Variants in PSMD14 observed in about 807,000 individuals in gnomAD.
PSMD14 encodes proteasome 26S subunit, non-ATPase 14, also known as ubiquitin C-terminal hydrolase PSMD14.
Under a neutral mutation model 41.2 loss-of-function variants are expected in PSMD14, and 7 were observed. That is an observed-to-expected ratio of 0.17 (90% CI 0.10 to 0.32). PSMD14 has a LOEUF of 0.32. PSMD14 is among the 10% of genes least tolerant of loss of function. PSMD14 has a pLI of 1.00. For synonymous variants in PSMD14, 114 were observed against 122.3 expected (o/e 0.93, Z 0.45); for missense variants, 139 against 375.6 (o/e 0.37, Z 5.21).
At chr2:161,338,116 C>T (rs1173278608) in intron 3 of PSMD14, among the ~76,000 whole-genome samples, 1 of 152,164 alleles carries the variant, frequency 6.6e-6, no homozygotes, top group Non-Finnish European at 1.5e-5. Flanking sequence ...ATGAAGGTCT[C>T]CAAGCACATA....
chr2:161,398,682 G>A (rs1211267205), intron 10 of PSMD14, among the ~76,000 whole-genome samples: 1 of 151,838 alleles, frequency 6.6e-6, no homozygotes, highest in Non-Finnish European at 1.5e-5. Context: ...CTATAAATTT[G>A]GAGATCTGAC....
chr2:161,326,373 T>G (rs1402142208), intron 3 of PSMD14, among the ~76,000 whole-genome samples: 1 of 152,146 alleles, frequency 6.6e-6, no homozygotes, highest in Non-Finnish European at 1.5e-5. Flanking sequence ...TGAATGGCTA[T>G]TATCCAAATT....
chr2:161,352,700 C>T (rs188179708), intron 3 of PSMD14, among the ~76,000 whole-genome samples: 1 of 152,242 alleles, frequency 6.6e-6, no homozygotes, highest in East Asian at 1.9e-4. Context: ...TCCCTCTCCT[C>T]TGTGTGGTGC....
chr2:161,368,696 A>G (rs1332767578), intron 5 of PSMD14, among the ~76,000 whole-genome samples: 1 of 152,036 alleles, frequency 6.6e-6, no homozygotes, highest in Non-Finnish European at 1.5e-5. Flanking sequence ...TTGCTAGGCA[A>G]TATTTCTCTT....
Position 161,378,433 on chromosome 2 carries a change from C to T in PSMD14, c.463-7031C>T, listed in dbSNP as rs553189813. On this transcript the variant is annotated intron_variant, in intron 7 of 11. Transcript: ENST00000409682. ...TATAGATAATGGATATTTTTCTTTTCCTTTAAGGAAAAATAAACATAAGTG... is the reference window on the plus strand; with the variant it reads ...TATAGATAATGGATATTTTTCTTTTTCTTTAAGGAAAAATAAACATAAGTG... 5.4e-4 allele frequency among the ~76,000 whole-genome samples: 82 copies of T among 151,902 alleles called. No individual in the cohort carries two copies. The South Asian group carries it at 7.9e-3, about 15-fold the overall frequency.
At chr2:161,359,405 A>G (rs1284900159) in intron 3 of PSMD14, among the ~76,000 whole-genome samples, 2 of 152,006 alleles carry the variant, frequency 1.3e-5, no homozygotes, top group Non-Finnish European at 2.9e-5. Context: ...TTTTTCTATC[A>G]TTTGTGTGCT....
chr2:161,359,516 A>G (rs1683259994), intron 3 of PSMD14, among the ~76,000 whole-genome samples: 1 of 151,836 alleles, frequency 6.6e-6, no homozygotes, highest in Admixed American at 6.6e-5. Flanking sequence ...TTTTAATTGG[A>G]CTTGGAAAAA....
intron 3 of PSMD14, among the ~76,000 whole-genome samples, chr2:161,361,704 A>G (rs969424369): frequency 9.9e-5 from 15 of 152,246 alleles, no homozygotes; most frequent in African/African-American, 3.6e-4. Flanking sequence ...AGTGGGAAAT[A>G]TTAATGTAAT....
intron 10 of PSMD14, among the ~76,000 whole-genome samples, chr2:161,401,247 A>G (rs1574142910): frequency 6.6e-6 from 1 of 152,218 alleles, no homozygotes; most frequent in African/African-American, 2.4e-5. Context: ...ATAACGTACA[A>G]AATATGTGTT....
chr2:161,313,423 C>CA (rs1476854370), intron 1 of PSMD14, among the ~76,000 whole-genome samples: 16 of 152,136 alleles, frequency 1.1e-4, no homozygotes, highest in African/African-American at 3.9e-4. Context: ...CACCTTGGCT[C>CA]ACTGCAACCT....
intron 1 of PSMD14, among the ~76,000 whole-genome samples, chr2:161,311,487 G>T (rs1231986558): frequency 6.6e-6 from 1 of 151,920 alleles, no homozygotes; most frequent in African/African-American, 2.4e-5. Context: ...TGCAAATAGG[G>T]TACTATGCCA....
At chr2:161,321,415 G>A (rs766882993) in intron 3 of PSMD14, among the ~76,000 whole-genome samples, 2 of 152,128 alleles carry the variant, frequency 1.3e-5, no homozygotes, top group East Asian at 1.9e-4. Flanking sequence ...TTTGATGAAC[G>A]AAATGTCCAA....
At chr2:161,371,421 C>T (rs1199085053) in intron 7 of PSMD14, 99 bp downstream of exon 7, 1 of 1,227,650 alleles carries the variant, frequency 8.1e-7, no homozygotes, top group African/African-American at 1.5e-5. Flanking sequence ...TTCTTAATTA[C>T]ACAGAAAGCT....
chr2:161,398,402 G>C (rs1170663055), intron 10 of PSMD14, among the ~76,000 whole-genome samples: 1 of 152,002 alleles, frequency 6.6e-6, no homozygotes, highest in African/African-American at 2.4e-5. Context: ...CAAGTTTTCA[G>C]TTTCAAGTCT....
At chr2:161,394,428 T>G (rs1461503977) in intron 9 of PSMD14, among the ~76,000 whole-genome samples, 2 of 152,196 alleles carry the variant, frequency 1.3e-5, no homozygotes, top group Non-Finnish European at 2.9e-5. Context: ...ATCTCTAAAC[T>G]GAGGATCAGA....
chr2:161,385,449 A>C lies in PSMD14; in HGVS notation c.463-15A>C, dbSNP rs1193577852. The C allele has an allele frequency of 3.2e-6, 5 of 1,543,682 alleles. No individual in the cohort carries two copies. Among genetic ancestry groups the C allele is most frequent in the Non-Finnish European group, 4.4e-6 (5 of 1,127,128 alleles). ...CTTTTTAAAAAAAAATTGACTTGAC[A>C]CCTTGTTTTTACAGGTTGTTATTGA... On this transcript the variant is annotated splice_polypyrimidine_tract_variant and intron_variant, in intron 7 of 11. Transcript: ENST00000409682.
chr2:161,340,964 A>G (rs952674173), intron 3 of PSMD14: 1 of 1,612,642 alleles, frequency 6.2e-7, no homozygotes, highest in Admixed American at 1.7e-5. Context: ...CCTTCTCACC[A>G]TCCAAGTCCT....
chr2:161,313,656 C>G (rs1574111408), intron 1 of PSMD14, among the ~76,000 whole-genome samples: 1 of 152,286 alleles, frequency 6.6e-6, no homozygotes, highest in East Asian at 1.9e-4. Context: ...AGCCTAAATA[C>G]AAGTGTTTAT....
intron 3 of PSMD14, among the ~76,000 whole-genome samples, chr2:161,352,483 A>G (rs532651089): frequency 4.1e-4 from 62 of 152,322 alleles, no homozygotes; most frequent in African/African-American, 1.4e-3. Context: ...AGAATAATAA[A>G]CTACACCAAG....
Sources: allele counts gnomAD v4.1 joint callset (sites outside exome capture counted in the v4.1 genomes callset), GRCh38; gene constraint gnomAD v4.1.1; transcripts MANE v1.5; gene names NCBI Gene and HGNC (gene_info 2026-07-23, HGNC 2026-07-21).